LYN: variants seen among roughly 807,000 people sequenced by gnomAD.
LYN encodes LYN proto-oncogene, Src family tyrosine kinase, also known as tyrosine-protein kinase Lyn.
Under a neutral mutation model 65.0 loss-of-function variants are expected in LYN, and 12 were observed. The ratio of observed to expected loss-of-function variants is 0.18; its 90% CI spans 0.12 to 0.30. The LOEUF is 0.30. Ranked by LOEUF, LYN falls within the 10% of genes least tolerant of loss-of-function variation. The pLI is 1.00. For missense variants in LYN, 380 were observed against 623.2 expected, an observed-to-expected ratio of 0.61 and a Z score of 4.16; for synonymous variants, 222 against 221.2, an observed-to-expected ratio of 1.00 and a Z score of -0.03.
At chr8:55,898,962 C>G (rs115732983) in intron 1 of LYN, among the ~76,000 whole-genome samples, 1 of 151,786 alleles carries the variant, frequency 6.6e-6, no homozygotes, top group Non-Finnish European at 1.5e-5. Flanking sequence ...GTAGCTGGGA[C>G]CACAGGTGTA....
In LYN at chr8:55,961,937, T is replaced by C. The variant is rs143285028; in HGVS notation, c.791-4778T>C. Among the ~76,000 whole-genome samples, 172 of 152,140 alleles carry C rather than the reference T, an allele frequency of 1.1e-3. 2 individuals carry two copies. The highest frequency in any genetic ancestry group is 3.9e-3 in the African/African-American group (164 of 41,524). ...CAGCTATTCCGACCTTCCTGATGGT[T>C]TTCTGACTTCTTCTTAATTTTGCCA... is the stretch of plus-strand genomic sequence containing the variant. On this transcript the variant is annotated intron_variant, in intron 8 of 12. Transcript: ENST00000519728.
chr8:55,968,275 A>G (rs891487022), intron 9 of LYN, among the ~76,000 whole-genome samples: 8 of 151,992 alleles, frequency 5.3e-5, no homozygotes, highest in African/African-American at 1.9e-4. Flanking sequence ...TATTTTTTTG[A>G]GACAGAGTCT....
intron 12 of LYN, among the ~76,000 whole-genome samples, chr8:56,005,741 T>G (rs1310241583): frequency 6.6e-6 from 1 of 152,240 alleles, no homozygotes; most frequent in Non-Finnish European, 1.5e-5. Flanking sequence ...CTTCATTATC[T>G]TAAAACCAAA....
chr8:55,890,588 C>A (rs1030568712), intron 1 of LYN, among the ~76,000 whole-genome samples: 1 of 152,112 alleles, frequency 6.6e-6, no homozygotes, highest in Non-Finnish European at 1.5e-5. Flanking sequence ...TGGGTATATA[C>A]CCCAAATAAC....
Position 55,908,997 on chromosome 8 carries a change from A to ATC in LYN, c.-6+28895_-6+28896insCT, listed in dbSNP as rs1563504711. 1.4e-3 allele frequency among the ~76,000 whole-genome samples: 23 copies of ATC among 15,998 alleles called. 1 individual carries two copies. Among genetic ancestry groups the ATC allele is most frequent in the African/African-American group, 6.2e-3 (17 of 2,740 alleles). The allele number at this position is 15,998 out of a possible 152,430, so 10.5% of individuals were successfully genotyped here. On this transcript the variant is annotated intron_variant, in intron 1 of 12. Transcript: ENST00000519728. ...GGTATTCCATTGTGTATGTATATAT[A>ATC]TATATATATATATACACACACACAC...
At position 55,947,675 on chromosome 8, in the gene LYN, C is replaced by G. The variant is rs760301322; in HGVS notation, c.236C>G (p.Pro79Arg). 1 of 1,613,876 alleles carries G rather than the reference C, an allele frequency of 6.2e-7. No homozygotes were observed. Among genetic ancestry groups the G allele is most frequent in the African/African-American group, 1.3e-5 (1 of 74,920 alleles). The change falls in exon 4 of 13, where the codon CCG (proline) becomes CGG (arginine). Residue 79 changes from proline to arginine, a missense_variant. By Grantham distance (103) the Pro-to-Arg change is moderately radical. Transcript: ENST00000519728. ...VALYPYDGIH[P>R]DDLSFKKGEK... is the part of the protein sequence containing the mutation. The stretch of plus-strand genomic sequence containing the variant: ...TTGTACCCCTATGATGGCATCCACC[C>G]GGACGACTTGTCTTTCAAGAAAGGA...
At chr8:55,964,967 G>A (rs933436304) in intron 8 of LYN, among the ~76,000 whole-genome samples, 8 of 151,944 alleles carry the variant, frequency 5.3e-5, no homozygotes, top group African/African-American at 1.2e-4. Flanking sequence ...CAGCTTTTGC[G>A]CACCAGGCAG....
rs369044484 is a variant in LYN, at chr8:55,887,810, G to A, written c.-6+7707G>A. Among the ~76,000 whole-genome samples, 8 of 151,978 alleles carry A rather than the reference G, an allele frequency of 5.3e-5. No individual in the cohort carries two copies. In the East Asian group the frequency reaches 9.7e-4, roughly 18 times the overall value. On this transcript the variant is annotated intron_variant, in intron 1 of 12. Coordinates refer to ENST00000519728, the MANE Select transcript of LYN (RefSeq NM_002350.4). ...TTTTTAGTACAGACAGGGCTTTGCTGTGTTGGCCAGGCTGGTCTCGAACTT... is the reference window on the plus strand; with the variant it reads ...TTTTTAGTACAGACAGGGCTTTGCTATGTTGGCCAGGCTGGTCTCGAACTT...
intron 1 of LYN, among the ~76,000 whole-genome samples, chr8:55,926,118 T>A (rs1330373048): frequency 2.0e-5 from 3 of 152,246 alleles, no homozygotes; most frequent in Non-Finnish European, 4.4e-5. Flanking sequence ...AAAAACCAAA[T>A]AACTACAAAG....
At chr8:55,957,683 C>G (rs1807159576) in intron 8 of LYN, among the ~76,000 whole-genome samples, 1 of 152,162 alleles carries the variant, frequency 6.6e-6, no homozygotes, top group Non-Finnish European at 1.5e-5. Context: ...TGGCTCACAC[C>G]TGTAATCCTG....
chr8:55,896,359 A>G (rs1297358047), intron 1 of LYN, among the ~76,000 whole-genome samples: 1 of 152,198 alleles, frequency 6.6e-6, no homozygotes, highest in Non-Finnish European at 1.5e-5. Flanking sequence ...TAGCAGGGAC[A>G]TGGATGCAGC....
chr8:55,934,286 G>T (rs1321832901), intron 1 of LYN, among the ~76,000 whole-genome samples: 2 of 152,180 alleles, frequency 1.3e-5, no homozygotes, highest in Admixed American at 6.5e-5. Context: ...AAAGAAGTTG[G>T]CAAACAGCTT....
At chr8:55,896,916 T>A (rs1805123690) in intron 1 of LYN, among the ~76,000 whole-genome samples, 2 of 152,188 alleles carry the variant, frequency 1.3e-5, no homozygotes. Flanking sequence ...ATTTTTGTAT[T>A]TTTAGTAGAG....
At chr8:55,991,606 C>T (rs760195354) in intron 10 of LYN, among the ~76,000 whole-genome samples, 7 of 152,092 alleles carry the variant, frequency 4.6e-5, no homozygotes, top group Non-Finnish European at 8.8e-5. Context: ...CCCCCACCCC[C>T]AGGATTTGCT....
chr8:56,008,129 T>TA (rs1175392174), intron 12 of LYN, among the ~76,000 whole-genome samples: 17 of 122,596 alleles, frequency 1.4e-4, no homozygotes, highest in African/African-American at 3.9e-4. Flanking sequence ...AAAAAAAAAA[T>TA]AAAATAAAAT....
rs117007795 is a variant in LYN at position 55,892,149 on chromosome 8, G to A, written c.-6+12046G>A. ...GAAAAGGTTGCATTAAGGCCAGGGC[G>A]CAGTGGCGCACACCTGTAATCCCAG... On this transcript the variant is annotated intron_variant, in intron 1 of 12. Transcript: ENST00000519728. 4.7e-3 allele frequency among the ~76,000 whole-genome samples: 719 copies of A among 152,376 alleles called. 1 individual carries two copies. The highest frequency in any genetic ancestry group is 6.6e-3 in the Non-Finnish European group (447 of 68,036).
Position 55,950,766 on chromosome 8 carries a change from G to A in LYN, c.469G>A (p.Glu157Lys), listed in dbSNP as rs1806918938. 1.2e-6 allele frequency: 2 copies of A among 1,611,792 alleles called. No homozygotes were observed. The highest frequency in any genetic ancestry group is 2.7e-5 in the African/African-American group (2 of 74,844). The change falls in exon 6 of 13, where the codon GAA becomes AAA. Residue 157 changes from glutamate to lysine, a missense_variant. Transcript: ENST00000519728. ...GNSAGAFLIR[E>K]SETLKGSFSL... is the part of the protein sequence containing the mutation. ...TAGCGCTGGAGCTTTCCTTATTAGA[G>A]AAAGTGAAACATTAAAAGGTAGGAA...
chr8:55,881,393 A>G (rs1804649649), intron 1 of LYN, among the ~76,000 whole-genome samples: 1 of 152,240 alleles, frequency 6.6e-6, no homozygotes, highest in Non-Finnish European at 1.5e-5. Context: ...GCCAACACCT[A>G]AAGCCATGCC....
chr8:55,914,953 G>A (rs1045717693), intron 1 of LYN, among the ~76,000 whole-genome samples: 1 of 152,150 alleles, frequency 6.6e-6, no homozygotes, highest in Non-Finnish European at 1.5e-5. Flanking sequence ...TGTGCCTGGG[G>A]TTTCACCTGC....
Sources: gnomAD v4.1 joint callset for allele counts (sites outside exome capture counted in the v4.1 genomes callset) on GRCh38, gnomAD v4.1.1 for gene constraint, MANE v1.5 for transcripts, NCBI Gene and HGNC (gene_info 2026-07-23, HGNC 2026-07-21) for gene names.